TFEB: variants seen among roughly 807,000 people sequenced by gnomAD.
The protein encoded by TFEB is transcription factor EB.
A neutral mutation model predicts 48.0 loss-of-function variants in TFEB; 12 were observed. The ratio of observed to expected loss-of-function variants is 0.25; its 90% CI spans 0.16 to 0.40. The LOEUF (loss-of-function observed/expected upper bound fraction) is 0.40. TFEB is among the 10% of genes least tolerant of loss of function. TFEB has a pLI of 1.00. For synonymous variants in TFEB, 244 were observed against 261.4 expected (o/e 0.93, Z 0.64); for missense variants, 509 against 640.3 (o/e 0.79, Z 2.21).
At chr6:41,688,177 T>C in intron 4 of TFEB, 149 bp from the exon 5 acceptor site, 1 of 942,786 alleles carries the variant, frequency 1.1e-6, no homozygotes, top group South Asian at 1.7e-5. Flanking sequence ...CAATTCAACC[T>C]GAAGGTCTGC....
intron 7 of TFEB, 191 bp from the exon 8 acceptor site, chr6:41,686,428 A>G (rs773334193): frequency 3.4e-6 from 2 of 587,530 alleles, no homozygotes; most frequent in Non-Finnish European, 5.8e-6. Flanking sequence ...GCCACTGCCC[A>G]CTTCATTAAT....
At chr6:41,718,159 G>C (rs1228523382) in intron 1 of TFEB, among the ~76,000 whole-genome samples, 1 of 151,744 alleles carries the variant, frequency 6.6e-6, no homozygotes, top group Non-Finnish European at 1.5e-5. Flanking sequence ...CATTTTGGGT[G>C]GTAAGAACAT....
At chr6:41,733,853 T>G (rs1771554183) in intron 1 of TFEB, 5 of 985,694 alleles carry the variant, frequency 5.1e-6, no homozygotes, top group Non-Finnish European at 6.0e-6. Flanking sequence ...CATCCGCATC[T>G]GTCCACCCAG....
rs763803169 is a variant in TFEB, at chr6:41,691,115, G to A, written c.99C>T (p.Tyr33=). The A allele has an allele frequency of 1.9e-6, 3 of 1,584,374 alleles. No individual in the cohort carries two copies. The highest frequency in any genetic ancestry group is 1.7e-4 in the Middle Eastern group (1 of 5,994). The part of the protein sequence containing the change: ...ERMQQQAVMH[Y]MQQQQQQQQQ... ...GTTGCTGCTGCTGCTGCTGCTGCAT[G>A]TAATGCATGACAGCCTGTTGCTGCA... The change falls in exon 2 of 9, where the codon TAC becomes TAT. Residue 33 remains tyrosine (Y), a synonymous_variant. Transcript: ENST00000373033. The surrounding 1 kb of genome is among the most constrained non-coding windows in gnomAD (Gnocchi z 5.2).
rs935115910 is a variant in TFEB at position 41,724,109 on chromosome 6, C to T, written c.-23+11241G>A. On this transcript the variant is annotated intron_variant, in intron 1 of 8. Transcript: ENST00000373033. The surrounding 1 kb of genome is among the most constrained non-coding windows in gnomAD (Gnocchi z 4.4). The stretch of plus-strand genomic sequence containing the variant: ...GATCAAGCAGAGCCCTGGGCAGCTC[C>T]GGGAAGATCCACACCACCGCACACT... Among the ~76,000 whole-genome samples, 5 of 152,292 alleles carry T rather than the reference C, an allele frequency of 3.3e-5. No individual in the cohort carries two copies. Among genetic ancestry groups the T allele is most frequent in the African/African-American group, 1.2e-4 (5 of 41,558 alleles).
At chr6:41,685,535 G>A (rs867400928) in intron 8 of TFEB, among the ~76,000 whole-genome samples, 17 of 152,308 alleles carry the variant, frequency 1.1e-4, no homozygotes, top group African/African-American at 3.4e-4. Flanking sequence ...CCAGCCTCAG[G>A]TCTAAAGAGG....
chr6:41,715,375 A>G (rs191731221), intron 1 of TFEB, among the ~76,000 whole-genome samples: 2 of 152,220 alleles, frequency 1.3e-5, no homozygotes, highest in African/African-American at 4.8e-5. Flanking sequence ...CCCACTCCCA[A>G]AAAAGTCTCA....
Position 41,734,659 on chromosome 6 carries a change from G to A in TFEB, c.-23+691C>T, listed in dbSNP as rs1384455118. Among the ~76,000 whole-genome samples the A allele has an allele frequency of 6.6e-6, 1 of 151,894 alleles. No homozygotes were observed. Among genetic ancestry groups the A allele is most frequent in the Non-Finnish European group, 1.5e-5 (1 of 67,932 alleles). ...CGCACGGAGGGAGCGCTCCGGGGTT[G>A]GTGTTCCCCAGGGTCATAGAATAAC... On this transcript the variant is annotated intron_variant, in intron 1 of 8. Transcript: ENST00000373033. The surrounding 1 kb of genome is among the most constrained non-coding windows in gnomAD (Gnocchi z 4.0).
At chr6:41,687,039 T>G in intron 7 of TFEB, 55 bp downstream of exon 7, 1 of 1,485,310 alleles carries the variant, frequency 6.7e-7, no homozygotes, top group Non-Finnish European at 9.4e-7. Flanking sequence ...CAGATAATAC[T>G]TGTCAGCTGC....
At chr6:41,694,143 T>C (rs1410537175) in intron 1 of TFEB, among the ~76,000 whole-genome samples, 1 of 152,196 alleles carries the variant, frequency 6.6e-6, no homozygotes, top group Non-Finnish European at 1.5e-5. Flanking sequence ...GCGTCTGGCC[T>C]GGCCTCGCGT....
chr6:41,723,788 C>G lies in TFEB; in HGVS notation c.-23+11562G>C, dbSNP rs918245354. The G allele has an allele frequency of 4.2e-5, 16 of 380,324 alleles. No individual in the cohort carries two copies. The highest frequency in any genetic ancestry group is 2.9e-4 in the South Asian group (15 of 52,050). 23.6% of individuals were successfully genotyped at this position (380,324 alleles called of 1,614,324 possible). A position where few individuals can be genotyped will look rare whatever the true frequency, so the allele number is the denominator to read the frequency against. On this transcript the variant is annotated intron_variant, in intron 1 of 8. Transcript: ENST00000373033. This position sits in a 1 kb window ranked among gnomAD's most constrained non-coding sequence, Gnocchi z 6.0. ...CCCACAGCGCTCCTTGGTCCTCCCA[C>G]AGGAGGCCTCTCATGGCCGCCCTGA...
chr6:41,715,803 C>T lies in TFEB; in HGVS notation c.-23+19547G>A, dbSNP rs147117205. ...TCTTTCTTGTATATAAAGAAGTGGG[C>T]GTTCAGGAAGATTAAGTGACTCATC... is the stretch of plus-strand genomic sequence containing the variant. On this transcript the variant is annotated intron_variant, in intron 1 of 8. Transcript: ENST00000373033. Among the ~76,000 whole-genome samples the T allele has an allele frequency of 7.8e-3, 1,184 of 152,234 alleles. 18 individuals are homozygous for T. The highest frequency in any genetic ancestry group is 0.027 in the African/African-American group (1,126 of 41,538).
intron 1 of TFEB, among the ~76,000 whole-genome samples, chr6:41,722,972 A>G (rs1167695843): frequency 6.6e-6 from 1 of 152,190 alleles, no homozygotes; most frequent in Non-Finnish European, 1.5e-5. Context: ...TGCCAGCATC[A>G]TGAAACTGCA....
At chr6:41,714,069 A>C (rs1770601712) in intron 1 of TFEB, among the ~76,000 whole-genome samples, 1 of 152,156 alleles carries the variant, frequency 6.6e-6, no homozygotes, top group South Asian at 2.1e-4. Context: ...TTCCCAGCCA[A>C]GACCACTGCA....
At chr6:41,727,582 C>T (rs575260895) in intron 1 of TFEB, among the ~76,000 whole-genome samples, 25 of 152,252 alleles carry the variant, frequency 1.6e-4, no homozygotes, top group African/African-American at 6.0e-4. Flanking sequence ...GTCCCAGCTA[C>T]TTGGGAAGCT....
chr6:41,685,090 C>T lies in TFEB; in HGVS notation c.952-12G>A, dbSNP rs1768930745. 7.0e-7 allele frequency: 1 copy of T among 1,431,722 alleles called. No homozygotes were observed. The highest frequency in any genetic ancestry group is 9.2e-7 in the Non-Finnish European group (1 of 1,089,092). The allele number at this position is 1,431,722 out of a possible 1,614,324, so 88.7% of individuals were successfully genotyped here. On this transcript the variant is annotated splice_polypyrimidine_tract_variant and intron_variant, in intron 8 of 8. Transcript: ENST00000373033. ...TGCATCTCCAGCTCCTGCAGGGGAGCAGACAGAAGGCTGGGGAACACACCT... is the reference window on the plus strand; with the variant it reads ...TGCATCTCCAGCTCCTGCAGGGGAGTAGACAGAAGGCTGGGGAACACACCT...
intron 1 of TFEB, among the ~76,000 whole-genome samples, chr6:41,695,964 T>C (rs1339079449): frequency 6.6e-6 from 1 of 152,086 alleles, no homozygotes; most frequent in Non-Finnish European, 1.5e-5. Flanking sequence ...CTCGGTGCAG[T>C]GGTCATTAGG....
At position 41,724,625 on chromosome 6, in the gene TFEB, T is replaced by C. The variant is rs1771129729; in HGVS notation, c.-23+10725A>G. On this transcript the variant is annotated intron_variant, in intron 1 of 8. Coordinates refer to ENST00000373033, the MANE Select transcript of TFEB (RefSeq NM_001271944.2). The surrounding 1 kb of genome is among the most constrained non-coding windows in gnomAD (Gnocchi z 4.4). Reference sequence around the variant, plus strand: ...AGGGAGGACCTCTGGCTCCCGCCCCTTGCCGCCCGAGACCTGCAATGGGGC... The same window carrying C: ...AGGGAGGACCTCTGGCTCCCGCCCCCTGCCGCCCGAGACCTGCAATGGGGC... Among the ~76,000 whole-genome samples, 1 of 152,082 alleles carries C rather than the reference T, an allele frequency of 6.6e-6. No individual in the cohort carries two copies. The highest frequency in any genetic ancestry group is 2.1e-4 in the South Asian group (1 of 4,826).
chr6:41,696,805 C>T (rs185901793), intron 1 of TFEB, among the ~76,000 whole-genome samples: 15 of 152,246 alleles, frequency 9.9e-5, no homozygotes, highest in East Asian at 5.8e-4. Context: ...AGATGACTCT[C>T]GCAGACATAA....
Sources: allele counts gnomAD v4.1 joint callset (sites outside exome capture counted in the v4.1 genomes callset), GRCh38; gene constraint gnomAD v4.1.1; non-coding constraint Gnocchi (gnomAD v3.1); transcripts MANE v1.5; gene names NCBI Gene and HGNC (gene_info 2026-07-23, HGNC 2026-07-21).